Variants in FAM149B1 observed in about 807,000 individuals in gnomAD.
The protein encoded by FAM149B1 is family with sequence similarity 149 member B1, also known as primary cilium assembly protein FAM149B1.
A neutral mutation model predicts 75.3 loss-of-function variants in FAM149B1; 56 were observed. The observed-to-expected ratio is 0.74, with a 90% CI of 0.60 to 0.93. The LOEUF (loss-of-function observed/expected upper bound fraction) is 0.93. Among genes scored for constraint, FAM149B1 ranks in the 40% least tolerant of loss-of-function variants. The pLI, the probability that FAM149B1 is intolerant of heterozygous loss-of-function variation, is 0.00. For synonymous variants in FAM149B1, 259 were observed against 256.1 expected, an observed-to-expected ratio of 1.01 and a Z score of -0.11; for missense variants, 639 against 708.4, an observed-to-expected ratio of 0.90 and a Z score of 1.11.
rs1844048241 is a variant in FAM149B1 at position 73,177,981 on chromosome 10, T to C, written c.282+6T>C. The C allele has an allele frequency of 6.5e-7, 1 of 1,546,546 alleles. No individual in the cohort carries two copies. The highest frequency in any genetic ancestry group is 1.4e-5 in the African/African-American group (1 of 72,590). On this transcript the variant is annotated splice_donor_region_variant and intron_variant, in intron 3 of 13. Coordinates refer to ENST00000242505, the MANE Select transcript of FAM149B1 (RefSeq NM_173348.2). Reference sequence around the variant, plus strand: ...ACTTCTCCTGGGGATATGGTGTGAGTTATATGTTATCAGTCTGATAGAGTG... The same window carrying C: ...ACTTCTCCTGGGGATATGGTGTGAGCTATATGTTATCAGTCTGATAGAGTG...
At chr10:73,210,851 T>C (rs1564701795) in intron 7 of FAM149B1, among the ~76,000 whole-genome samples, 1 of 151,930 alleles carries the variant, frequency 6.6e-6, no homozygotes, top group Non-Finnish European at 1.5e-5. Context: ...AAAGTGGGTA[T>C]GAGAGAGAGG....
At chr10:73,172,469 T>C (rs1409502242) in intron 1 of FAM149B1, among the ~76,000 whole-genome samples, 2 of 152,234 alleles carry the variant, frequency 1.3e-5, no homozygotes, top group African/African-American at 2.4e-5. Flanking sequence ...ACTTAATCCC[T>C]CTGTGCCTTA....
At chr10:73,231,429 A>C (rs1260508330) in intron 9 of FAM149B1, 1 of 152,214 alleles carries the variant, frequency 6.6e-6, no homozygotes, top group Non-Finnish European at 1.5e-5. Flanking sequence ...GAGTTGTACC[A>C]TTTTACACTC....
intron 5 of FAM149B1, among the ~76,000 whole-genome samples, chr10:73,202,282 A>T (rs2042956356): frequency 1.4e-5 from 2 of 145,590 alleles, no homozygotes; most frequent in Non-Finnish European, 3.0e-5. Flanking sequence ...ATCTAGCTAA[A>T]ATTTCTTTTA....
At chr10:73,211,707 G>A (rs148297716) in intron 7 of FAM149B1, among the ~76,000 whole-genome samples, 4 of 152,172 alleles carry the variant, frequency 2.6e-5, no homozygotes, top group Non-Finnish European at 5.9e-5. Flanking sequence ...TGTGCAAGTA[G>A]CACTTTTTTA....
chr10:73,229,721 T>TA lies in FAM149B1; in HGVS notation c.1024-700dup, dbSNP rs530941537. ...TTTAGTGACCTAAGCCCTGAATAGTTAGACGTTCTGGTCGCTGATGACCTA... is the reference window on the plus strand; with the variant it reads ...TTTAGTGACCTAAGCCCTGAATAGTTAAGACGTTCTGGTCGCTGATGACCTA... On this transcript the variant is annotated intron_variant, in intron 8 of 13. Transcript: ENST00000242505. Among the ~76,000 whole-genome samples, 755 of 152,342 alleles carry TA rather than the reference T, an allele frequency of 5.0e-3. 3 individuals carry two copies. Among genetic ancestry groups the TA allele is most frequent in the Middle Eastern group, 0.027 (8 of 294 alleles).
chr10:73,174,805 G>A lies in FAM149B1; in HGVS notation c.152+14G>A. The A allele has an allele frequency of 1.3e-6, 2 of 1,511,396 alleles. No individual in the cohort carries two copies. The highest frequency in any genetic ancestry group is 1.8e-6 in the Non-Finnish European group (2 of 1,110,402). 93.6% of individuals were successfully genotyped at this position (1,511,396 alleles called of 1,614,324 possible). A position where few individuals can be genotyped will look rare whatever the true frequency, so the allele number is the denominator to read the frequency against. On this transcript the variant is annotated intron_variant, in intron 2 of 13. Coordinates refer to ENST00000242505, the MANE Select transcript of FAM149B1 (RefSeq NM_173348.2). ...AAGTTCCCAAAGGTAATAACACAAA[G>A]TGTACTTGTTTACTTATTGCACTTG...
intron 3 of FAM149B1, among the ~76,000 whole-genome samples, chr10:73,183,119 G>A (rs577823677): frequency 1.3e-5 from 2 of 152,326 alleles, no homozygotes; most frequent in South Asian, 4.1e-4. Context: ...GCAGAGACGA[G>A]AGTTCAGGGT....
intron 3 of FAM149B1, among the ~76,000 whole-genome samples, chr10:73,191,289 G>A (rs1009948765): frequency 3.3e-5 from 5 of 149,730 alleles, no homozygotes; most frequent in Admixed American, 1.3e-4. Context: ...CTCCCGCCTC[G>A]GCCTCCCAAA....
In FAM149B1 at chr10:73,220,669, A is replaced by G. The variant is rs568446150; in HGVS notation, c.899-7391A>G. ...GGGAGGTAATTCAGGTTCTGAGGTAATAAGAGTGGGCTCCTAATCCAATAG... is the reference window on the plus strand; with the variant it reads ...GGGAGGTAATTCAGGTTCTGAGGTAGTAAGAGTGGGCTCCTAATCCAATAG... On this transcript the variant is annotated intron_variant, in intron 7 of 13. Transcript: ENST00000242505. Among the ~76,000 whole-genome samples, 7 of 152,262 alleles carry G rather than the reference A, an allele frequency of 4.6e-5. No individual in the cohort carries two copies. In the South Asian group the frequency reaches 1.2e-3, roughly 27 times the overall value.
chr10:73,191,127 G>A (rs1428773641), intron 3 of FAM149B1, among the ~76,000 whole-genome samples: 8 of 151,894 alleles, frequency 5.3e-5, no homozygotes, highest in Non-Finnish European at 7.4e-5. Context: ...CACAACCTCC[G>A]CCTCCCGGGT....
At chr10:73,236,059 C>T (rs1439150146) in intron 12 of FAM149B1, among the ~76,000 whole-genome samples, 2 of 152,172 alleles carry the variant, frequency 1.3e-5, no homozygotes, top group African/African-American at 4.8e-5. Flanking sequence ...TGACAGTTTT[C>T]AGGATGGTAG....
intron 5 of FAM149B1, 38 bp downstream of exon 5, chr10:73,193,631 A>G (rs2042730022): frequency 1.3e-6 from 2 of 1,536,346 alleles, no homozygotes; most frequent in African/African-American, 2.7e-5. Flanking sequence ...AATGTGCCCT[A>G]ATATGCAAGT....
chr10:73,188,808 A>AGGAAGGAAGGAG (rs1290348939), intron 3 of FAM149B1, among the ~76,000 whole-genome samples: 10 of 149,286 alleles, frequency 6.7e-5, no homozygotes, highest in Non-Finnish European at 1.5e-4. Context: ...GAAGGAAGGA[A>AGGAAGGAAGGAG]GGAAAGGACA....
At chr10:73,189,307 T>A (rs541947812) in intron 3 of FAM149B1, among the ~76,000 whole-genome samples, 1 of 152,314 alleles carries the variant, frequency 6.6e-6, no homozygotes, top group African/African-American at 2.4e-5. Flanking sequence ...AGTGCTAAAT[T>A]GTACATCCAT....
Position 73,233,160 on chromosome 10 carries a change from G to C in FAM149B1, c.1349G>C (p.Arg450Pro). Residue 450 changes from arginine to proline, a missense_variant, in exon 10 of 14, where the codon CGA becomes CCA. By Grantham distance (103) the Arg-to-Pro change is moderately radical. Transcript: ENST00000242505. ...GTGGAAGAAATCCTCAGAGGAGCCCGAGTGTAGGTTTCAAAAGCAGAACTT... is the reference window on the plus strand; with the variant it reads ...GTGGAAGAAATCCTCAGAGGAGCCCCAGTGTAGGTTTCAAAAGCAGAACTT... ...RSVEEILRGARVPVAPDSLSS... is the reference protein window; with the variant it reads ...RSVEEILRGAPVPVAPDSLSS... 6.5e-7 allele frequency: 1 copy of C among 1,549,086 alleles called. No homozygotes were observed. Among genetic ancestry groups the C allele is most frequent in the South Asian group, 1.2e-5 (1 of 83,996 alleles).
At position 73,210,362 on chromosome 10, in the gene FAM149B1, G is replaced by A. The variant is rs2043160174; in HGVS notation, c.822G>A (p.Val274=). The part of the protein sequence containing the change: ...YCMKEDVLAY[V]FDSVWCKVVS... Reference sequence around the variant, plus strand: ...TGAAAGAAGATGTCCTTGCTTATGTGTTTGACAGTGTATGGTGCAAGGTTG... The same window carrying A: ...TGAAAGAAGATGTCCTTGCTTATGTATTTGACAGTGTATGGTGCAAGGTTG... The change falls in exon 7 of 14, where the codon GTG becomes GTA. Residue 274 remains valine, a synonymous_variant. Coordinates refer to ENST00000242505, the MANE Select transcript of FAM149B1 (RefSeq NM_173348.2). 6.4e-7 allele frequency: 1 copy of A among 1,551,520 alleles called. No homozygotes were observed. The highest frequency in any genetic ancestry group is 1.2e-5 in the South Asian group (1 of 84,066).
chr10:73,211,617 C>T (rs978872146), intron 7 of FAM149B1, among the ~76,000 whole-genome samples: 2 of 152,024 alleles, frequency 1.3e-5, no homozygotes, highest in Admixed American at 6.6e-5. Context: ...ATGAGTAGAT[C>T]GATAAAAAGG....
chr10:73,240,975 C>A lies in FAM149B1; in HGVS notation c.1705C>A (p.Gln569Lys). Residue 569 changes from glutamine to lysine, a missense_variant, in exon 14 of 14, where the codon CAA becomes AAA. Transcript: ENST00000242505. ...GPQLHGSTKS[Q>K]SGGRPVSRTR... The stretch of plus-strand genomic sequence containing the variant: ...TCAGTTACATGGGTCTACAAAATCT[C>A]AAAGCGGAGGCAGACCAGTCTCTCG... 1 of 1,542,802 alleles carries A rather than the reference C, an allele frequency of 6.5e-7. No homozygotes were observed. The highest frequency in any genetic ancestry group is 1.5e-5 in the African/African-American group (1 of 68,164).
Sources: allele counts gnomAD v4.1 joint callset (sites outside exome capture counted in the v4.1 genomes callset), GRCh38; gene constraint gnomAD v4.1.1; transcripts MANE v1.5; gene names NCBI Gene and HGNC (gene_info 2026-07-23, HGNC 2026-07-21).